Variants in PCDHGB6 observed in about 807,000 individuals in gnomAD.
The protein encoded by PCDHGB6 is protocadherin gamma-B6.
In PCDHGB6, 51 loss-of-function variants were observed where a neutral mutation model predicts 59.1. The ratio of observed to expected loss-of-function variants is 0.86; its 90% CI spans 0.69 to 1.09. The LOEUF is 1.09. Among genes scored for constraint, PCDHGB6 ranks in the 50% least tolerant of loss-of-function variants. The pLI is 0.00. For synonymous variants in PCDHGB6, 466 were observed against 495.1 expected (o/e 0.94, Z 0.78); for missense variants, 1,148 against 1,205.1 (o/e 0.95, Z 0.70).
chr5:141,409,784 T>G lies in PCDHGB6; in HGVS notation c.1582T>G (p.Phe528Val). The change falls in exon 1 of 4, where the codon TTC becomes GTC. Residue 528 changes from phenylalanine (F) to valine (V), a missense_variant. Physicochemically the swap from Phe to Val is conservative, Grantham distance 50 (BLOSUM62 -1). Around this residue, in one of 5 missense-constraint regions of PCDHGB6, gnomAD observed 549 missense variants for 527.5 expected, o/e 1.04. Transcript: ENST00000520790. ...CTTTGATCACGAGCAGCTGCGCGCCTTCGCGCTCACGCTGCAGGCCCGCGA... is the reference window on the plus strand; with the variant it reads ...CTTTGATCACGAGCAGCTGCGCGCCGTCGCGCTCACGCTGCAGGCCCGCGA... ...RAFDHEQLRAFALTLQARDHG... is the reference protein window; with the variant it reads ...RAFDHEQLRAVALTLQARDHG... The G allele has an allele frequency of 3.1e-6, 5 of 1,612,248 alleles. No individual in the cohort carries two copies. Among genetic ancestry groups the G allele is most frequent in the Non-Finnish European group, 4.2e-6 (5 of 1,179,460 alleles).
rs769641310 is a variant in PCDHGB6, at chr5:141,477,421, T to G, written c.2419-17386T>G. 1.7e-5 allele frequency: 28 copies of G among 1,614,172 alleles called. No individual in the cohort carries two copies. Among genetic ancestry groups the G allele is most frequent in the Non-Finnish European group, 2.3e-5 (27 of 1,180,028 alleles). On this transcript the variant is annotated intron_variant, in intron 1 of 3. Coordinates refer to ENST00000520790, the MANE Select transcript of PCDHGB6 (RefSeq NM_018926.3). The surrounding 1 kb of genome is among the most constrained non-coding windows in gnomAD (Gnocchi z 4.9). ...TCACCGCCCGAGACGCCGGAACCCC[T>G]TCCCTCTCAGCCCTTACAATAGTGC...
At position 141,486,367 on chromosome 5, in the gene PCDHGB6, G is replaced by A; in HGVS notation, c.2419-8440G>A. On this transcript the variant is annotated intron_variant, in intron 1 of 3. Coordinates refer to ENST00000520790, the MANE Select transcript of PCDHGB6 (RefSeq NM_018926.3). This position sits in a 1 kb window ranked among gnomAD's most constrained non-coding sequence, Gnocchi z 5.0. Reference sequence around the variant, plus strand: ...CTGACCACTTGCCATTTGCCCTCAAGTCTGCCTTCAGGAACCAGTTCTCCC... The same window carrying A: ...CTGACCACTTGCCATTTGCCCTCAAATCTGCCTTCAGGAACCAGTTCTCCC... 1 of 1,614,148 alleles carries A rather than the reference G, an allele frequency of 6.2e-7. No individual in the cohort carries two copies. Among genetic ancestry groups the A allele is most frequent in the Non-Finnish European group, 8.5e-7 (1 of 1,180,022 alleles).
chr5:141,496,277 T>C (rs1484877198), intron 2 of PCDHGB6, among the ~76,000 whole-genome samples: 1 of 152,134 alleles, frequency 6.6e-6, no homozygotes, highest in Non-Finnish European at 1.5e-5. Context: ...AGACCTTCAG[T>C]TGGTCTGAGC....
At chr5:141,435,994 G>T (rs1007093302) in intron 1 of PCDHGB6, among the ~76,000 whole-genome samples, 18 of 152,046 alleles carry the variant, frequency 1.2e-4, no homozygotes, top group Admixed American at 1.2e-3. Context: ...GTGATTTTTT[G>T]AAAGAAAGTA....
intron 2 of PCDHGB6, among the ~76,000 whole-genome samples, chr5:141,501,286 C>T (rs2099806802): frequency 8.9e-6 from 1 of 112,422 alleles, no homozygotes; most frequent in African/African-American, 3.5e-5. Context: ...GGGATATTCC[C>T]TTATACACAC....
chr5:141,486,940 A>T lies in PCDHGB6; in HGVS notation c.2419-7867A>T. ...CTCCATCAGTTGGTGCTGGCCACCTAATCACAAAGGTGACTGCTGTGGACT... is the reference window on the plus strand; with the variant it reads ...CTCCATCAGTTGGTGCTGGCCACCTTATCACAAAGGTGACTGCTGTGGACT... On this transcript the variant is annotated intron_variant, in intron 1 of 3. Coordinates refer to ENST00000520790, the MANE Select transcript of PCDHGB6 (RefSeq NM_018926.3). This position sits in a 1 kb window ranked among gnomAD's most constrained non-coding sequence, Gnocchi z 5.0. 6.2e-7 allele frequency: 1 copy of T among 1,614,188 alleles called. No homozygotes were observed. Among genetic ancestry groups the T allele is most frequent in the Non-Finnish European group, 8.5e-7 (1 of 1,180,032 alleles).
chr5:141,505,190 G>A (rs1326515866), intron 2 of PCDHGB6, among the ~76,000 whole-genome samples: 1 of 152,186 alleles, frequency 6.6e-6, no homozygotes, highest in East Asian at 1.9e-4. Flanking sequence ...ATCGGAGGCA[G>A]CAAAGAGCTG....
At chr5:141,415,392 G>T in intron 1 of PCDHGB6, 1 of 1,614,238 alleles carries the variant, frequency 6.2e-7, no homozygotes, top group Non-Finnish European at 8.5e-7. Context: ...TGACAGGTGT[G>T]TCCGGCTCGC....
rs768994533 is a variant in PCDHGB6 at position 141,486,589 on chromosome 5, C to G, written c.2419-8218C>G. On this transcript the variant is annotated intron_variant, in intron 1 of 3. Transcript: ENST00000520790. This position sits in a 1 kb window ranked among gnomAD's most constrained non-coding sequence, Gnocchi z 5.0. Reference sequence around the variant, plus strand: ...TTCCTGAGAACAATCGCCCAGGGGACCTGCTTTGCTCCCTTGCAGCCTCTG... The same window carrying G: ...TTCCTGAGAACAATCGCCCAGGGGAGCTGCTTTGCTCCCTTGCAGCCTCTG... 1 of 1,613,676 alleles carries G rather than the reference C, an allele frequency of 6.2e-7. No individual in the cohort carries two copies. Among genetic ancestry groups the G allele is most frequent in the Non-Finnish European group, 8.5e-7 (1 of 1,179,996 alleles).
chr5:141,486,150 G>T lies in PCDHGB6; in HGVS notation c.2419-8657G>T. The T allele has an allele frequency of 6.2e-7, 1 of 1,614,180 alleles. No individual in the cohort carries two copies. The highest frequency in any genetic ancestry group is 8.5e-7 in the Non-Finnish European group (1 of 1,180,030). On this transcript the variant is annotated intron_variant, in intron 1 of 3. Transcript: ENST00000520790. This position sits in a 1 kb window ranked among gnomAD's most constrained non-coding sequence, Gnocchi z 5.0. The stretch of plus-strand genomic sequence containing the variant: ...TTTGATGTGCGGGCTCGCGATGGGG[G>T]TTCTCCAGCCATGGAGCAACATTGC...
chr5:141,408,079 A>C lies in PCDHGB6; in HGVS notation c.-124A>C, dbSNP rs1176059527. On this transcript the variant is annotated 5_prime_UTR_variant, in exon 1 of 4. Transcript: ENST00000520790. ...CCCGGCTGCGCAGACCTTTCCCAGC[A>C]CAGCGGATTGCCAGCTCCGAGACCC... is the stretch of plus-strand genomic sequence containing the variant. 9.2e-6 allele frequency: 13 copies of C among 1,407,872 alleles called. No individual in the cohort carries two copies. Among genetic ancestry groups the C allele is most frequent in the Non-Finnish European group, 1.1e-5 (12 of 1,068,280 alleles). The allele number at this position is 1,407,872 out of a possible 1,614,324, so 87.2% of individuals were successfully genotyped here. A position where few individuals can be genotyped will look rare whatever the true frequency, so the allele number is the denominator to read the frequency against.
chr5:141,446,289 G>T (rs1333286399), intron 1 of PCDHGB6, among the ~76,000 whole-genome samples: 1 of 152,112 alleles, frequency 6.6e-6, no homozygotes, highest in Non-Finnish European at 1.5e-5. Flanking sequence ...GATAAATGGG[G>T]AGCAGGGATT....
At chr5:141,422,588 C>A in intron 1 of PCDHGB6, 1 of 1,614,056 alleles carries the variant, frequency 6.2e-7, no homozygotes, top group South Asian at 1.1e-5. Flanking sequence ...CCCGTTTTTC[C>A]TCACTCCTCT....
Position 141,476,993 on chromosome 5 carries a change from C to A in PCDHGB6, c.2419-17814C>A. 6.2e-7 allele frequency: 1 copy of A among 1,614,244 alleles called. No individual in the cohort carries two copies. Among genetic ancestry groups the A allele is most frequent in the South Asian group, 1.1e-5 (1 of 91,086 alleles). Reference sequence around the variant, plus strand: ...CAGCCACAACCGCGCCGGCGTGCGGCAACTATTCGCCTTAGACCTTGTAAC... The same window carrying A: ...CAGCCACAACCGCGCCGGCGTGCGGAAACTATTCGCCTTAGACCTTGTAAC... On this transcript the variant is annotated intron_variant, in intron 1 of 3. Coordinates refer to ENST00000520790, the MANE Select transcript of PCDHGB6 (RefSeq NM_018926.3). This position sits in a 1 kb window ranked among gnomAD's most constrained non-coding sequence, Gnocchi z 7.6.
At chr5:141,411,045 T>G (rs1409162601) in intron 1 of PCDHGB6, 1 of 159,716 alleles carries the variant, frequency 6.3e-6, no homozygotes, top group Non-Finnish European at 1.4e-5. Flanking sequence ...AGACATGGGG[T>G]TTCACTATGT....
intron 2 of PCDHGB6, among the ~76,000 whole-genome samples, chr5:141,498,872 G>T (rs912789877): frequency 1.4e-4 from 21 of 151,650 alleles, no homozygotes; most frequent in Non-Finnish European, 2.9e-4. Flanking sequence ...GGCGGAGGTT[G>T]CAGTGAGCTG....
chr5:141,467,781 C>G (rs2099151581), intron 1 of PCDHGB6, among the ~76,000 whole-genome samples: 1 of 152,228 alleles, frequency 6.6e-6, no homozygotes, highest in East Asian at 1.9e-4. Context: ...ACCTCAGCCT[C>G]TCAAGTAGCT....
chr5:141,410,797 CTCTA>C (rs375585060), intron 1 of PCDHGB6, 177 bp downstream of exon 1: 18 of 676,000 alleles, frequency 2.7e-5, no homozygotes, highest in Middle Eastern at 9.7e-4. Context: ...TCATAAGTTG[CTCTA>C]TCTTTTTGTA....
chr5:141,475,705 A>G (rs2099367264), intron 1 of PCDHGB6, among the ~76,000 whole-genome samples: 1 of 152,246 alleles, frequency 6.6e-6, no homozygotes. Flanking sequence ...CAGAACGGCT[A>G]GCCTCACAGC....
Sources: gnomAD v4.1 joint callset for allele counts (sites outside exome capture counted in the v4.1 genomes callset) on GRCh38, gnomAD v4.1.1 for gene constraint, gnomAD v4.1.1 regional missense constraint, Gnocchi (gnomAD v3.1) non-coding constraint, MANE v1.5 for transcripts, NCBI Gene and HGNC (gene_info 2026-07-23, HGNC 2026-07-21) for gene names.